The following CSMD1 variants were observed in gnomAD, a reference collection of about 807,000 sequenced individuals.
The protein encoded by CSMD1 is CUB and sushi domain-containing protein 1.
In CSMD1, 213 loss-of-function variants were observed where a neutral mutation model predicts 417.5. The observed-to-expected ratio is 0.51, with a 90% CI of 0.46 to 0.57. The LOEUF (loss-of-function observed/expected upper bound fraction) is 0.57. CSMD1 is among the 20% of genes least tolerant of loss of function. The pLI, the probability that CSMD1 is intolerant of heterozygous loss-of-function variation, is 0.00. For synonymous variants in CSMD1, 2,862 were observed against 1,736.8 expected (o/e 1.65, Z -16.11); for missense variants, 6,923 against 4,529.7 (o/e 1.53, Z -15.17).
intron 1 of CSMD1, among the ~76,000 whole-genome samples, chr8:4,826,894 T>C (rs1164960254): frequency 6.6e-6 from 1 of 152,164 alleles, no homozygotes; most frequent in African/African-American, 2.4e-5. Flanking sequence ...ATTATTTAAC[T>C]TGCCTCAAAA....
chr8:3,194,627 A>ATT (rs34246085), intron 33 of CSMD1, among the ~76,000 whole-genome samples: 3,009 of 141,936 alleles, frequency 0.021, 52 homozygotes, highest in Non-Finnish European at 0.034. Context: ...TTGGCTAATA[A>ATT]TTTTTTTTTT....
In CSMD1 at chr8:2,958,681, T is replaced by C. The variant is rs145303012; in HGVS notation, c.9703-874A>G. On this transcript the variant is annotated intron_variant, in intron 62 of 69. Coordinates refer to ENST00000635120, the MANE Select transcript of CSMD1 (RefSeq NM_033225.6). ...AAAGCAGCCCCCAGGGAAGGCGGGT[T>C]TGCACTCATCCCAGCTTGGCTTGGG... Among the ~76,000 whole-genome samples the C allele has an allele frequency of 3.1e-3, 474 of 152,306 alleles. 2 individuals are homozygous for C. The highest frequency in any genetic ancestry group is 0.011 in the African/African-American group (454 of 41,572).
In CSMD1 at chr8:3,411,956, A is replaced by G. The variant is rs1443386208; in HGVS notation, c.1562-2351T>C. On this transcript the variant is annotated intron_variant, in intron 12 of 69. Transcript: ENST00000635120. Reference sequence around the variant, plus strand: ...CACGTATATATGCACGTATATATACACGTATATATGCACGTATATATACAC... The same window carrying G: ...CACGTATATATGCACGTATATATACGCGTATATATGCACGTATATATACAC... 1.4e-4 allele frequency among the ~76,000 whole-genome samples: 10 copies of G among 70,834 alleles called. 1 individual carries two copies. Among genetic ancestry groups the G allele is most frequent in the South Asian group, 5.1e-4 (1 of 1,954 alleles). The allele number at this position is 70,834 out of a possible 152,430, so 46.5% of individuals were successfully genotyped here.
chr8:4,214,790 A>C (rs972003696), intron 3 of CSMD1, among the ~76,000 whole-genome samples: 3 of 152,248 alleles, frequency 2.0e-5, no homozygotes, highest in East Asian at 3.8e-4. Flanking sequence ...TTTCAAATGT[A>C]GTATAACTTT....
At chr8:4,600,155 C>A (rs569517044) in intron 2 of CSMD1, among the ~76,000 whole-genome samples, 31 of 152,294 alleles carry the variant, frequency 2.0e-4, no homozygotes, top group African/African-American at 7.2e-4. Flanking sequence ...GGCCATGTAG[C>A]TGAGCTGTGG....
intron 5 of CSMD1, among the ~76,000 whole-genome samples, chr8:3,819,164 G>C (rs1432044273): frequency 6.6e-6 from 1 of 152,142 alleles, no homozygotes; most frequent in Non-Finnish European, 1.5e-5. Context: ...TGACATCAGA[G>C]GATGAGTCTG....
At chr8:3,732,584 G>A (rs368168063) in intron 6 of CSMD1, among the ~76,000 whole-genome samples, 3 of 152,250 alleles carry the variant, frequency 2.0e-5, no homozygotes, top group African/African-American at 4.8e-5. Flanking sequence ...CCCAGGCAAC[G>A]CACCATGAAA....
At chr8:3,828,951 T>A (rs998625959) in intron 5 of CSMD1, among the ~76,000 whole-genome samples, 9 of 152,212 alleles carry the variant, frequency 5.9e-5, no homozygotes, top group African/African-American at 2.2e-4. Context: ...TTTCTGTTTC[T>A]TACATATGGC....
chr8:4,349,656 G>T (rs764173860), intron 3 of CSMD1, among the ~76,000 whole-genome samples: 1 of 152,032 alleles, frequency 6.6e-6, no homozygotes, highest in African/African-American at 2.4e-5. Flanking sequence ...ATAATATTTG[G>T]CTAAATGGTA....
intron 3 of CSMD1, among the ~76,000 whole-genome samples, chr8:4,360,259 C>T (rs1801674922): frequency 6.6e-6 from 1 of 152,144 alleles, no homozygotes; most frequent in Non-Finnish European, 1.5e-5. Context: ...GAACACACAT[C>T]TACCTCCCTG....
chr8:3,981,003 G>A (rs1216485661), intron 5 of CSMD1, among the ~76,000 whole-genome samples: 1 of 152,146 alleles, frequency 6.6e-6, no homozygotes, highest in Non-Finnish European at 1.5e-5. Flanking sequence ...CACACCCAGA[G>A]GTTCTTCAAG....
intron 3 of CSMD1, among the ~76,000 whole-genome samples, chr8:4,181,765 G>T (rs907158358): frequency 6.6e-6 from 1 of 152,064 alleles, no homozygotes; most frequent in Non-Finnish European, 1.5e-5. Context: ...TCTTGTCATT[G>T]AAATATTACG....
chr8:3,461,432 G>A (rs558602422), intron 12 of CSMD1, among the ~76,000 whole-genome samples: 2 of 152,310 alleles, frequency 1.3e-5, no homozygotes, highest in Non-Finnish European at 2.9e-5. Context: ...GTCCCCAGAG[G>A]CTGGAATACA....
chr8:3,961,740 T>C (rs1298427887), intron 5 of CSMD1, among the ~76,000 whole-genome samples: 1 of 152,224 alleles, frequency 6.6e-6, no homozygotes, highest in Admixed American at 6.5e-5. Flanking sequence ...GCGTATGTAG[T>C]AAAGCCCGGT....
At chr8:4,887,683 T>A (rs1000365701) in intron 1 of CSMD1, among the ~76,000 whole-genome samples, 2 of 152,032 alleles carry the variant, frequency 1.3e-5, no homozygotes, top group Non-Finnish European at 2.9e-5. Context: ...CTTTATTTAT[T>A]TATTTATTTG....
intron 1 of CSMD1, among the ~76,000 whole-genome samples, chr8:4,965,866 AAAG>A (rs1312293360): frequency 6.6e-6 from 1 of 152,158 alleles, no homozygotes; most frequent in Non-Finnish European, 1.5e-5. Flanking sequence ...ATGTTAAAAT[AAAG>A]AAGATATATA....
At chr8:3,382,990 G>T (rs1041760908) in intron 18 of CSMD1, among the ~76,000 whole-genome samples, 1 of 152,130 alleles carries the variant, frequency 6.6e-6, no homozygotes. Context: ...CTGTGACAAA[G>T]TCAGCCGAAC....
rs115638947 is a variant in CSMD1, at chr8:4,291,350, T to C, written c.415+128603A>G. 8.2e-3 allele frequency among the ~76,000 whole-genome samples: 1,243 copies of C among 152,200 alleles called. 14 individuals are homozygous for C. The highest frequency in any genetic ancestry group is 0.029 in the African/African-American group (1,206 of 41,550). On this transcript the variant is annotated intron_variant, in intron 3 of 69. Transcript: ENST00000635120. The stretch of plus-strand genomic sequence containing the variant: ...AATACTTTCCTTTAAATTGATAAAT[T>C]ACATATAAAAACAAAATACAAATTT...
intron 3 of CSMD1, among the ~76,000 whole-genome samples, chr8:4,237,270 G>C (rs1050531009): frequency 9.2e-5 from 14 of 152,174 alleles, no homozygotes; most frequent in African/African-American, 2.4e-4. Context: ...GATTCAGAGT[G>C]AGGGTGTTTA....
Sources: gnomAD v4.1 joint callset for allele counts (sites outside exome capture counted in the v4.1 genomes callset) on GRCh38, gnomAD v4.1.1 for gene constraint, MANE v1.5 for transcripts, NCBI Gene and HGNC (gene_info 2026-07-23, HGNC 2026-07-21) for gene names.